The following QTRT2 variants were observed in gnomAD, a reference collection of about 807,000 sequenced individuals.
QTRT2 encodes queuine tRNA-ribosyltransferase domain containing 1.
In QTRT2, 32 loss-of-function variants were observed where a neutral mutation model predicts 44.8. The ratio of observed to expected loss-of-function variants is 0.71; its 90% confidence interval spans 0.54 to 0.96. QTRT2 has a LOEUF of 0.96. Among genes scored for constraint, QTRT2 ranks in the 40% least tolerant of loss-of-function variants. The pLI is 0.00. For synonymous variants in QTRT2, 182 were observed against 187.4 expected (o/e 0.97, Z 0.24); for missense variants, 461 against 503.1 (o/e 0.92, Z 0.80).
In QTRT2 at chr3:114,082,787, G is replaced by GA; in HGVS notation, c.1016dup (p.Tyr340ValfsTer6). The GA allele has an allele frequency of 1.4e-6, 2 of 1,393,218 alleles. No individual in the cohort carries two copies. Among genetic ancestry groups the GA allele is most frequent in the Non-Finnish European group, 2.0e-6 (2 of 1,008,720 alleles). 86.3% of individuals were successfully genotyped at this position (1,393,218 alleles called of 1,614,324 possible). On this transcript the variant is annotated frameshift_variant, in exon 9 of 10. Coordinates refer to ENST00000281273, the MANE Select transcript of QTRT2 (RefSeq NM_024638.4). LOFTEE classifies it high-confidence loss of function. Reference sequence around the variant, plus strand: ...AACATCATTTGAAATTAATCTGAAGGAAAAAAAGTAAGAAATTTTTAAAAG... The same window carrying GA: ...AACATCATTTGAAATTAATCTGAAGGAAAAAAAAGTAAGAAATTTTTAAAAG...
chr3:114,071,201 C>T (rs909377826), intron 6 of QTRT2, among the ~76,000 whole-genome samples: 32 of 152,056 alleles, frequency 2.1e-4, no homozygotes, highest in African/African-American at 5.3e-4. Context: ...CAGAAGTGAC[C>T]GGATTCATCA....
chr3:114,076,481 C>A (rs1232990863), intron 6 of QTRT2, among the ~76,000 whole-genome samples: 1 of 152,164 alleles, frequency 6.6e-6, no homozygotes, highest in Non-Finnish European at 1.5e-5. Flanking sequence ...CTAATTTAAT[C>A]TAAGCCAGAA....
At chr3:114,084,478 G>A (rs1184949342) in intron 9 of QTRT2, among the ~76,000 whole-genome samples, 1 of 151,842 alleles carries the variant, frequency 6.6e-6, no homozygotes, top group Non-Finnish European at 1.5e-5. Context: ...GGCGTGGTGG[G>A]AAGCTGAGGT....
intron 5 of QTRT2, among the ~76,000 whole-genome samples, chr3:114,068,711 C>T (rs1473680286): frequency 2.0e-5 from 3 of 152,300 alleles, no homozygotes; most frequent in Admixed American, 6.5e-5. Flanking sequence ...TTTACTCATT[C>T]TCCTGTTTTA....
chr3:114,066,748 C>T (rs1241881552), intron 4 of QTRT2, among the ~76,000 whole-genome samples: 1 of 152,062 alleles, frequency 6.6e-6, no homozygotes, highest in East Asian at 1.9e-4. Flanking sequence ...GGAGTGGGAG[C>T]CCAGACAGGT....
intron 4 of QTRT2, chr3:114,066,621 A>G (rs2076957044): frequency 5.6e-6 from 1 of 177,848 alleles, no homozygotes; most frequent in Non-Finnish European, 1.2e-5. Flanking sequence ...GGTCAGAATA[A>G]AAAACGGATT....
At position 114,085,809 on chromosome 3, in the gene QTRT2, G is replaced by T. The variant is rs1486770698; in HGVS notation, c.1153G>T (p.Glu385Ter). The change falls in exon 10 of 10, where the codon GAA becomes TAA. Residue 385 changes from glutamate (E) to a stop codon, truncating the protein, a stop_gained. Coordinates refer to ENST00000281273, the MANE Select transcript of QTRT2 (RefSeq NM_024638.4). LOFTEE classifies it high-confidence loss of function. ...AGTCCTGCTTATGATGCACAACTTT[G>T]AACACTACTTTGGGTTTTTCCATTA... is the stretch of plus-strand genomic sequence containing the variant. ...AGVLLMMHNF[E>*]HYFGFFHYIR... is the part of the protein sequence containing the mutation. 5.6e-6 allele frequency: 9 copies of T among 1,614,088 alleles called. No homozygotes were observed. Among genetic ancestry groups the T allele is most frequent in the Non-Finnish European group, 7.6e-6 (9 of 1,180,028 alleles).
intron 7 of QTRT2, chr3:114,078,398 A>G (rs2077121100): frequency 6.6e-6 from 1 of 151,736 alleles, no homozygotes. Flanking sequence ...CAGGAAAACC[A>G]GCATATATTT....
In QTRT2 at chr3:114,065,220, T is replaced by G; in HGVS notation, c.-21-17T>G. On this transcript the variant is annotated splice_polypyrimidine_tract_variant and intron_variant, in intron 2 of 9. Coordinates refer to ENST00000281273, the MANE Select transcript of QTRT2 (RefSeq NM_024638.4). ...GTTGTGAAGCTCCTTCTATACTTAA[T>G]GCTCTTTTCTTGACAGGACCTAGAA... is the stretch of plus-strand genomic sequence containing the variant. 6.3e-7 allele frequency: 1 copy of G among 1,589,848 alleles called. No individual in the cohort carries two copies.
chr3:114,061,650 T>C (rs1363398574), intron 2 of QTRT2, among the ~76,000 whole-genome samples: 1 of 152,146 alleles, frequency 6.6e-6, no homozygotes, highest in African/African-American at 2.4e-5. Context: ...TGATCATGGC[T>C]CACTGCAGTC....
intron 6 of QTRT2, 121 bp from the exon 7 acceptor site, chr3:114,076,622 T>A (rs574014573): frequency 1.2e-6 from 1 of 847,026 alleles, no homozygotes; most frequent in African/African-American, 1.7e-5. Flanking sequence ...TCCCCTTTAA[T>A]GCTTCAACTA....
intron 2 of QTRT2, among the ~76,000 whole-genome samples, chr3:114,060,260 A>G (rs2076863115): frequency 6.6e-6 from 1 of 152,220 alleles, no homozygotes; most frequent in Admixed American, 6.5e-5. Flanking sequence ...CACAAGGATG[A>G]AACTAAGAAG....
Position 114,076,839 on chromosome 3 carries a change from G to C in QTRT2, c.643G>C (p.Gly215Arg). 1.2e-6 allele frequency: 2 copies of C among 1,614,198 alleles called. No individual in the cohort carries two copies. ...ACGAGAGACAGCCAAGCGGCCTGTG[G>C]GTGGCTTCCTTCTGGATGGTTTTCA... is the stretch of plus-strand genomic sequence containing the variant. ...SARETAKRPVGGFLLDGFQGN... is the reference protein window; with the variant it reads ...SARETAKRPVRGFLLDGFQGN... Residue 215 changes from glycine to arginine, a missense_variant, in exon 7 of 10, where the codon GGT (glycine) becomes CGT (arginine). By Grantham distance (125) the Gly-to-Arg change is moderately radical. Coordinates refer to ENST00000281273, the MANE Select transcript of QTRT2 (RefSeq NM_024638.4).
intron 8 of QTRT2, among the ~76,000 whole-genome samples, chr3:114,081,729 C>T (rs895769903): frequency 2.0e-5 from 3 of 151,996 alleles, no homozygotes; most frequent in Non-Finnish European, 4.4e-5. Context: ...TGAGCCACTG[C>T]GGCCAGCTGA....
chr3:114,070,862 C>A, intron 6 of QTRT2, 24 bp downstream of exon 6: 2 of 1,593,916 alleles, frequency 1.3e-6, no homozygotes, highest in South Asian at 1.1e-5. Flanking sequence ...ACTAACCACT[C>A]CTTTCTCTTG....
At chr3:114,085,568 T>C (rs1245767165) in intron 9 of QTRT2, 105 bp from the exon 10 acceptor site, 1 of 926,726 alleles carries the variant, frequency 1.1e-6, no homozygotes, top group African/African-American at 1.6e-5. Flanking sequence ...CATTTGCCAG[T>C]GATGTTATTA....
In QTRT2 at chr3:114,085,866, G is replaced by A; in HGVS notation, c.1210G>A (p.Ala404Thr). The change falls in exon 10 of 10, where the codon GCA becomes ACA. Residue 404 changes from alanine (A) to threonine (T), a missense_variant. Coordinates refer to ENST00000281273, the MANE Select transcript of QTRT2 (RefSeq NM_024638.4). The stretch of plus-strand genomic sequence containing the variant: ...GGAAGCACTAAAAAGTGACAAACTG[G>A]CACAGTTGAAAGAGCTCATCCACAG... ...IREALKSDKL[A>T]QLKELIHRQA... 4 of 1,614,124 alleles carry A rather than the reference G, an allele frequency of 2.5e-6. No homozygotes were observed. The highest frequency in any genetic ancestry group is 3.4e-6 in the Non-Finnish European group (4 of 1,180,010).
intron 2 of QTRT2, among the ~76,000 whole-genome samples, chr3:114,064,946 C>T (rs1025365190): frequency 1.3e-5 from 2 of 152,126 alleles, no homozygotes; most frequent in Admixed American, 6.6e-5. Context: ...ATTAGTCTTT[C>T]TAATTCTGTT....
chr3:114,063,784 T>C (rs2076917677), intron 2 of QTRT2, among the ~76,000 whole-genome samples: 1 of 152,216 alleles, frequency 6.6e-6, no homozygotes, highest in African/African-American at 2.4e-5. Context: ...TATTTAAATT[T>C]AAGAATTTAT....
Sources: gnomAD v4.1 joint callset for allele counts (sites outside exome capture counted in the v4.1 genomes callset) on GRCh38, gnomAD v4.1.1 for gene constraint, MANE v1.5 for transcripts, NCBI Gene and HGNC (gene_info 2026-07-23, HGNC 2026-07-21) for gene names.